ALCAM: variants seen among roughly 807,000 people sequenced by gnomAD.
The protein encoded by ALCAM is activated leukocyte cell adhesion molecule.
Under a neutral mutation model 70.9 loss-of-function variants are expected in ALCAM, and 30 were observed. The ratio of observed to expected loss-of-function variants is 0.42; its 90% confidence interval spans 0.32 to 0.57. The LOEUF is 0.57. Ranked by LOEUF, ALCAM falls within the 20% of genes least tolerant of loss-of-function variation. ALCAM has a pLI of 0.11. For missense variants in ALCAM, 591 were observed against 695.1 expected, an observed-to-expected ratio of 0.85 and a Z score of 1.68; for synonymous variants, 249 against 242.5, an observed-to-expected ratio of 1.03 and a Z score of -0.25.
chr3:105,442,109 G>T (rs1166690418), intron 1 of ALCAM, among the ~76,000 whole-genome samples: 1 of 152,186 alleles, frequency 6.6e-6, no homozygotes, highest in Non-Finnish European at 1.5e-5. Context: ...AACAGTTGGA[G>T]ATGTGTCAAT....
At chr3:105,557,120 A>G (rs1007361428) in intron 14 of ALCAM, among the ~76,000 whole-genome samples, 2 of 152,048 alleles carry the variant, frequency 1.3e-5, no homozygotes, top group Admixed American at 6.6e-5. Context: ...TTGATTGGCT[A>G]CTGGCATTTA....
At chr3:105,449,834 C>T (rs1937383990) in intron 1 of ALCAM, among the ~76,000 whole-genome samples, 1 of 151,978 alleles carries the variant, frequency 6.6e-6, no homozygotes, top group African/African-American at 2.4e-5. Flanking sequence ...GGGGGAAAAC[C>T]ACCAAGAGAA....
chr3:105,390,612 A>T (rs751861421), intron 1 of ALCAM, among the ~76,000 whole-genome samples: 2 of 151,888 alleles, frequency 1.3e-5, no homozygotes, highest in Non-Finnish European at 2.9e-5. Context: ...CTTAGATCCC[A>T]TTTGTCAATT....
At chr3:105,569,061 A>G (rs1378834164) in intron 14 of ALCAM, among the ~76,000 whole-genome samples, 1 of 151,278 alleles carries the variant, frequency 6.6e-6, no homozygotes, top group African/African-American at 2.4e-5. Context: ...CTGATGTATT[A>G]CATTGTTGTT....
intron 2 of ALCAM, among the ~76,000 whole-genome samples, chr3:105,522,365 T>A (rs1445512326): frequency 6.6e-6 from 1 of 152,212 alleles, no homozygotes; most frequent in African/African-American, 2.4e-5. Flanking sequence ...CTGAGATACA[T>A]TTGAGGCACT....
chr3:105,553,241 A>C, intron 14 of ALCAM: 1 of 472,746 alleles, frequency 2.1e-6, no homozygotes, highest in Non-Finnish European at 2.8e-6. Flanking sequence ...TTATAAGGAA[A>C]ATCCGATGAA....
intron 2 of ALCAM, 29 bp from the exon 3 acceptor site, chr3:105,524,260 T>C: frequency 6.4e-7 from 1 of 1,555,554 alleles, no homozygotes; most frequent in Non-Finnish European, 8.8e-7. Context: ...TATGCTTGTG[T>C]TTAAATGTAT....
intron 11 of ALCAM, among the ~76,000 whole-genome samples, chr3:105,549,022 T>C (rs934023870): frequency 1.3e-5 from 2 of 151,326 alleles, no homozygotes; most frequent in Non-Finnish European, 3.0e-5. Flanking sequence ...AATGAGAAAA[T>C]ATATTTTGTA....
chr3:105,546,498 C>T (rs1478137056), intron 9 of ALCAM, among the ~76,000 whole-genome samples: 2 of 151,388 alleles, frequency 1.3e-5, no homozygotes, highest in Non-Finnish European at 3.0e-5. Context: ...TGCAATCTAG[C>T]ATGATATGTT....
intron 9 of ALCAM, among the ~76,000 whole-genome samples, chr3:105,546,492 A>G (rs935948518): frequency 9.9e-5 from 15 of 151,398 alleles, no homozygotes; most frequent in Non-Finnish European, 3.0e-5. Flanking sequence ...CTATGCTGCA[A>G]TCTAGCATGA....
intron 1 of ALCAM, among the ~76,000 whole-genome samples, chr3:105,387,392 G>C (rs907084798): frequency 7.3e-5 from 11 of 151,008 alleles, no homozygotes; most frequent in Middle Eastern, 6.8e-3. Context: ...TTTCTCTTTA[G>C]ATGTTTGAAG....
At chr3:105,467,274 T>C (rs1306728214) in intron 1 of ALCAM, among the ~76,000 whole-genome samples, 1 of 151,244 alleles carries the variant, frequency 6.6e-6, no homozygotes, top group African/African-American at 2.4e-5. Context: ...TTTGGTGCAC[T>C]TGTGGGTGGA....
At chr3:105,534,918 G>T in intron 6 of ALCAM, 73 bp downstream of exon 6, 2 of 1,377,466 alleles carry the variant, frequency 1.5e-6, no homozygotes, top group South Asian at 2.9e-5. Context: ...AATCTTTGAG[G>T]TCCCAATCCA....
intron 1 of ALCAM, among the ~76,000 whole-genome samples, chr3:105,371,518 T>C (rs539933019): frequency 2.7e-3 from 74 of 27,552 alleles, no homozygotes; most frequent in Non-Finnish European, 3.9e-3. Flanking sequence ...AAGATGTTTC[T>C]TTTTTTTTTT....
At chr3:105,385,963 C>A (rs13079517) in intron 1 of ALCAM, among the ~76,000 whole-genome samples, 37,982 of 151,340 alleles carry the variant, frequency 0.25, 5,313 homozygotes, top group Admixed American at 0.44. Context: ...CATAACTGAA[C>A]CAGTGAGAAT....
At chr3:105,404,214 A>C (rs1415141278) in intron 1 of ALCAM, among the ~76,000 whole-genome samples, 8 of 152,156 alleles carry the variant, frequency 5.3e-5, no homozygotes, top group Admixed American at 1.3e-4. Context: ...AGATCTAGAC[A>C]TCCAAAGATG....
chr3:105,373,732 A>G (rs1400715390), intron 1 of ALCAM, among the ~76,000 whole-genome samples: 3 of 152,154 alleles, frequency 2.0e-5, no homozygotes, highest in Admixed American at 1.3e-4. Flanking sequence ...ATCTTTGTCT[A>G]TGTATCCTCA....
chr3:105,545,148 T>C lies in ALCAM; in HGVS notation c.992-75T>C, dbSNP rs1940213562. On this transcript the variant is annotated intron_variant, in intron 8 of 15. Coordinates refer to ENST00000306107, the MANE Select transcript of ALCAM (RefSeq NM_001627.4). ...GTTAGAAGAAATTTATTTTCTTTCA[T>C]CTTTTCTTCTCCAAAATATTTTGAC... The C allele has an allele frequency of 5.1e-6, 5 of 982,546 alleles. No individual in the cohort carries two copies. In the African/African-American group the frequency reaches 8.0e-5, roughly 16 times the overall value. 60.9% of individuals were successfully genotyped at this position (982,546 alleles called of 1,614,324 possible). A position where few individuals can be genotyped will look rare whatever the true frequency, so the allele number is the denominator to read the frequency against.
At chr3:105,526,675 T>C (rs1157661368) in intron 3 of ALCAM, among the ~76,000 whole-genome samples, 1 of 152,060 alleles carries the variant, frequency 6.6e-6, no homozygotes, top group East Asian at 1.9e-4. Context: ...ATAAAGACAA[T>C]GTTTACAAAA....
Sources: allele counts gnomAD v4.1 joint callset (sites outside exome capture counted in the v4.1 genomes callset), GRCh38; gene constraint gnomAD v4.1.1; transcripts MANE v1.5; gene names NCBI Gene and HGNC (gene_info 2026-07-23, HGNC 2026-07-21).